ROPN1L: variants seen among roughly 807,000 people sequenced by gnomAD.
ROPN1L encodes rhophilin associated tail protein 1 like.
Under a neutral mutation model 22.7 loss-of-function variants are expected in ROPN1L, and 23 were observed. That is an observed-to-expected ratio of 1.01 (90% CI 0.73 to 1.43). The LOEUF (loss-of-function observed/expected upper bound fraction) is 1.43, where lower values mean the gene tolerates loss of function less well. Ranked by LOEUF, ROPN1L falls within the 40% of genes most tolerant of loss-of-function variation. The pLI, the probability that ROPN1L is intolerant of heterozygous loss-of-function variation, is 0.00. For synonymous variants in ROPN1L, 116 were observed against 117.8 expected (o/e 0.98, Z 0.10); for missense variants, 271 against 291.5 (o/e 0.93, Z 0.51).
At chr5:10,464,303 C>T (rs892217374) in intron 4 of ROPN1L, among the ~76,000 whole-genome samples, 1 of 152,206 alleles carries the variant, frequency 6.6e-6, no homozygotes, top group African/African-American at 2.4e-5. Context: ...TGACACCATC[C>T]TGGCTGGTGT....
chr5:10,471,363 G>A (rs1243457514), intron 4 of ROPN1L, among the ~76,000 whole-genome samples: 1 of 151,858 alleles, frequency 6.6e-6, no homozygotes, highest in Non-Finnish European at 1.5e-5. Context: ...GGCCAGGCTG[G>A]TCACAAACTC....
chr5:10,453,216 A>G (rs1452188099), intron 3 of ROPN1L, among the ~76,000 whole-genome samples: 1 of 152,112 alleles, frequency 6.6e-6, no homozygotes, highest in Non-Finnish European at 1.5e-5. Flanking sequence ...CTCCTCCCTC[A>G]GAGGAGCGTG....
chr5:10,457,995 C>T (rs544438650), intron 3 of ROPN1L, among the ~76,000 whole-genome samples: 5 of 152,050 alleles, frequency 3.3e-5, no homozygotes, highest in South Asian at 2.1e-4. Context: ...CCACCCTGCT[C>T]GGGAAGGTCC....
chr5:10,452,904 A>G (rs967999631), intron 3 of ROPN1L, among the ~76,000 whole-genome samples: 9 of 152,336 alleles, frequency 5.9e-5, no homozygotes, highest in African/African-American at 2.2e-4. Flanking sequence ...CATTGTGTTA[A>G]GGATAGAGCT....
intron 4 of ROPN1L, among the ~76,000 whole-genome samples, chr5:10,470,935 G>A (rs913312044): frequency 1.3e-5 from 2 of 152,222 alleles, no homozygotes; most frequent in Non-Finnish European, 2.9e-5. Flanking sequence ...TGGCAGGGAA[G>A]GCTGCTGTCA....
chr5:10,442,328 G>T (rs769643789), intron 1 of ROPN1L, 30 bp downstream of exon 1: 1 of 1,609,770 alleles, frequency 6.2e-7, no homozygotes, highest in Admixed American at 1.7e-5. Flanking sequence ...GGAGCTGTCC[G>T]GTCTACATGC....
chr5:10,455,392 G>T (rs1020387210), intron 3 of ROPN1L, among the ~76,000 whole-genome samples: 2 of 152,196 alleles, frequency 1.3e-5, no homozygotes, highest in Admixed American at 1.3e-4. Context: ...CCCCCAGTGG[G>T]AGCCTGAGGC....
At chr5:10,480,938 G>C in the ROPN1L span, among the ~76,000 whole-genome samples, 1 of 152,166 alleles carries the variant, frequency 6.6e-6, no homozygotes, top group Admixed American at 6.5e-5. Context: ...AGTTTGAGCA[G>C]GGGGAGACAG....
At position 10,461,283 on chromosome 5, in the gene ROPN1L, C is replaced by T. The variant is rs145787281; in HGVS notation, c.517C>T (p.Arg173Cys). 139 of 1,614,034 alleles carry T rather than the reference C, an allele frequency of 8.6e-5. 1 individual carries two copies. Among genetic ancestry groups the T allele is most frequent in the Non-Finnish European group, 1.0e-4 (123 of 1,180,034 alleles). ...CTTCAAGACGTTTTCCTACGTTTAC[C>T]GCTACTTGGCCAGATTAGACTCAGA... ...IPFKTFSYVY[R>C]YLARLDSDVS... Residue 173 changes from arginine to cysteine, a missense_variant, in exon 4 of 5, where the codon CGC becomes TGC. Physicochemically the swap from Arg to Cys is radical, Grantham distance 180. Coordinates refer to ENST00000274134, the MANE Select transcript of ROPN1L (RefSeq NM_031916.5).
chr5:10,449,783 C>T (rs758675785), intron 2 of ROPN1L, among the ~76,000 whole-genome samples, 169 bp from the exon 3 acceptor site: 28 of 152,154 alleles, frequency 1.8e-4, no homozygotes, highest in Non-Finnish European at 3.5e-4. Flanking sequence ...CGCTCGCTGC[C>T]TTCCCTGCCT....
At chr5:10,475,902 G>A (rs1211784461), downstream of ROPN1L, among the ~76,000 whole-genome samples, 2 of 152,246 alleles carry the variant, frequency 1.3e-5, no homozygotes, top group South Asian at 2.1e-4. Flanking sequence ...GGTCCTTGGT[G>A]ATGGAACTGC....
intron 1 of ROPN1L, among the ~76,000 whole-genome samples, chr5:10,443,025 A>T (rs948156768): frequency 1.3e-5 from 2 of 152,236 alleles, no homozygotes; most frequent in African/African-American, 4.8e-5. Flanking sequence ...GAGTCAGCAC[A>T]GGTGTAAATT....
chr5:10,474,458 C>A (rs184208774), downstream of ROPN1L, among the ~76,000 whole-genome samples: 1 of 152,228 alleles, frequency 6.6e-6, no homozygotes, highest in Non-Finnish European at 1.5e-5. Context: ...GCACCAGGTG[C>A]TGAGGACATG....
intron 4 of ROPN1L, among the ~76,000 whole-genome samples, chr5:10,463,282 C>G (rs1336988970): frequency 3.3e-5 from 5 of 152,178 alleles, no homozygotes; most frequent in Non-Finnish European, 5.9e-5. Flanking sequence ...TAAAAAGGAA[C>G]AAAGCTCTTG....
downstream of ROPN1L, among the ~76,000 whole-genome samples, chr5:10,475,968 A>G (rs1377257934): frequency 1.3e-5 from 2 of 152,222 alleles, no homozygotes; most frequent in Non-Finnish European, 2.9e-5. Flanking sequence ...TCGCTTTGCC[A>G]TCATATGGAC....
intron 3 of ROPN1L, among the ~76,000 whole-genome samples, chr5:10,452,527 A>T (rs2673902): frequency 6.6e-6 from 1 of 151,568 alleles, no homozygotes; most frequent in African/African-American, 2.4e-5. Flanking sequence ...TAGTAGAGAC[A>T]GCGTTTCACC....
intron 3 of ROPN1L, among the ~76,000 whole-genome samples, chr5:10,460,432 C>T (rs1401122876): frequency 6.6e-6 from 1 of 152,224 alleles, no homozygotes; most frequent in African/African-American, 2.4e-5. Context: ...CTGCCCCCCA[C>T]CCCCGCAGGG....
Position 10,464,848 on chromosome 5 carries a change from A to C in ROPN1L, c.594A>C (p.Ile198=), listed in dbSNP as rs145166107. Reference sequence around the variant, plus strand: ...ATATCTTTATCTGTTTCCAATTTAGAGACGCCAGGAAGAACGGCATGATAG... The same window carrying C: ...ATATCTTTATCTGTTTCCAATTTAGCGACGCCAGGAAGAACGGCATGATAG... The part of the protein sequence containing the change: ...ESYLASLKEN[I]DARKNGMIGL... The change falls in exon 5 of 5, where the codon ATA becomes ATC. Residue 198 remains isoleucine (I), a splice_region_variant and synonymous_variant. Transcript: ENST00000274134. The C allele has an allele frequency of 2.0e-5, 32 of 1,571,910 alleles. No homozygotes were observed. The highest frequency in any genetic ancestry group is 2.5e-5 in the Non-Finnish European group (29 of 1,158,480).
intron 1 of ROPN1L, among the ~76,000 whole-genome samples, chr5:10,447,285 C>T (rs1184161630): frequency 6.6e-6 from 1 of 152,174 alleles, no homozygotes; most frequent in East Asian, 1.9e-4. Flanking sequence ...TGCCTGGCAC[C>T]CCTCCCACCA....
Sources: gnomAD v4.1 joint callset for allele counts (sites outside exome capture counted in the v4.1 genomes callset) on GRCh38, gnomAD v4.1.1 for gene constraint, MANE v1.5 for transcripts, NCBI Gene and HGNC (gene_info 2026-07-23, HGNC 2026-07-21) for gene names.